Variants in PPP2R1B observed in about 807,000 individuals in gnomAD.
PPP2R1B encodes serine/threonine-protein phosphatase 2A 65 kDa regulatory subunit A beta isoform.
In PPP2R1B, 58 loss-of-function variants were observed where a neutral mutation model predicts 72.7. The observed-to-expected ratio is 0.80, with a 90% CI of 0.65 to 0.99. The LOEUF (loss-of-function observed/expected upper bound fraction) is 0.99. Ranked by LOEUF, PPP2R1B falls within the 50% of genes least tolerant of loss-of-function variation. PPP2R1B has a pLI of 0.00. For synonymous variants in PPP2R1B, 256 were observed against 264.6 expected (o/e 0.97, Z 0.32); for missense variants, 695 against 733.6 (o/e 0.95, Z 0.61).
chr11:111,693,529 G>A, the PPP2R1B span, among the ~76,000 whole-genome samples: 7 of 152,122 alleles, frequency 4.6e-5, no homozygotes, highest in Non-Finnish European at 1.0e-4. Flanking sequence ...TTTGGCCCTG[G>A]CTGTTCAGGC....
the PPP2R1B span, chr11:111,705,211 A>C: frequency 2.7e-5 from 39 of 1,419,112 alleles, no homozygotes; most frequent in African/African-American, 5.4e-4. This position sits in a 1 kb window ranked among gnomAD's most constrained non-coding sequence, Gnocchi z 4.3. Context: ...TTTTCATCTT[A>C]TACACAGGGT....
chr11:111,747,903 A>C, intron 11 of PPP2R1B, 51 bp downstream of exon 11: 1 of 1,524,876 alleles, frequency 6.6e-7, no homozygotes, highest in Non-Finnish European at 9.0e-7. Flanking sequence ...AAGGAAATGT[A>C]TGAAAATCAT....
chr11:111,763,650 G>T (rs1208205674), intron 3 of PPP2R1B, among the ~76,000 whole-genome samples: 1 of 152,174 alleles, frequency 6.6e-6, no homozygotes, highest in African/African-American at 2.4e-5. Flanking sequence ...AAGGCACAGA[G>T]GATTCAAGAA....
chr11:111,701,788 T>G, the PPP2R1B span, among the ~76,000 whole-genome samples: 1 of 152,208 alleles, frequency 6.6e-6, no homozygotes, highest in African/African-American at 2.4e-5. This position sits in a 1 kb window ranked among gnomAD's most constrained non-coding sequence, Gnocchi z 4.2. Flanking sequence ...ATTTCCCAGA[T>G]TAAGAGCAGC....
At chr11:111,703,497 G>A in the PPP2R1B span, 1 of 1,370,434 alleles carries the variant, frequency 7.3e-7, no homozygotes, top group African/African-American at 1.4e-5. Flanking sequence ...CTGTCATCCT[G>A]GTCTTTTAGC....
At position 111,765,666 on chromosome 11, in the gene PPP2R1B, AAGAG is replaced by A. The variant is rs1438476032; in HGVS notation, c.115-286_115-283del. Reference sequence around the variant, plus strand: ...ACCTAGGAAGTAAGATAATTTTAAAAAGAGAGCACTTTGGCAGTGGTGAAGCAGG... The same window carrying A: ...ACCTAGGAAGTAAGATAATTTTAAAAAGCACTTTGGCAGTGGTGAAGCAGG... On this transcript the variant is annotated intron_variant, in intron 1 of 14. Transcript: ENST00000527614. 1.2e-5 allele frequency: 6 copies of A among 508,760 alleles called. No homozygotes were observed. In the East Asian group the frequency reaches 2.8e-4, roughly 24 times the overall value. The allele number at this position is 508,760 out of a possible 1,614,324, so 31.5% of individuals were successfully genotyped here.
At chr11:111,715,513 T>C in the PPP2R1B span, among the ~76,000 whole-genome samples, 1 of 152,190 alleles carries the variant, frequency 6.6e-6, no homozygotes, top group Non-Finnish European at 1.5e-5. Context: ...CCCAGAAATC[T>C]TCAGTGCTTA....
At chr11:111,721,697 A>C in the PPP2R1B span, 13 of 583,870 alleles carry the variant, frequency 2.2e-5, no homozygotes, top group Non-Finnish European at 3.5e-5. Context: ...CTGGCTCTGT[A>C]AAAGCTTTGA....
chr11:111,723,629 C>T, downstream of PPP2R1B: 1 of 1,613,782 alleles, frequency 6.2e-7, no homozygotes, highest in Non-Finnish European at 8.5e-7. Context: ...GACTCCACCG[C>T]CTTCTCAGCA....
chr11:111,755,946 C>T (rs887016469), intron 5 of PPP2R1B, among the ~76,000 whole-genome samples: 6 of 151,878 alleles, frequency 4.0e-5, no homozygotes, highest in African/African-American at 7.3e-5. Context: ...CAGTGGCTCA[C>T]GTCTGTAATA....
the PPP2R1B span, chr11:111,720,333 G>A: frequency 1.7e-5 from 15 of 861,496 alleles, no homozygotes; most frequent in Middle Eastern, 2.4e-4. Context: ...GACTAAATTG[G>A]CCAGTAAAAG....
downstream of PPP2R1B, chr11:111,735,226 G>C (rs1374918148): frequency 6.6e-6 from 1 of 152,340 alleles, no homozygotes; most frequent in Admixed American, 6.5e-5. Context: ...GGCGCAGTCA[G>C]GCAGTGTCTG....
chr11:111,758,319 C>T (rs961853628), intron 5 of PPP2R1B, among the ~76,000 whole-genome samples: 1 of 152,150 alleles, frequency 6.6e-6, no homozygotes, highest in Non-Finnish European at 1.5e-5. Flanking sequence ...AGGCCGGGCA[C>T]GGTGGCTCAC....
chr11:111,732,967 G>A (rs1364158776), downstream of PPP2R1B, among the ~76,000 whole-genome samples: 1 of 152,114 alleles, frequency 6.6e-6, no homozygotes, highest in Non-Finnish European at 1.5e-5. Context: ...ATGGATTATC[G>A]CACAGGAATC....
intron 8 of PPP2R1B, among the ~76,000 whole-genome samples, chr11:111,754,146 G>C (rs570966290): frequency 1.3e-5 from 2 of 152,124 alleles, no homozygotes; most frequent in South Asian, 4.2e-4. Context: ...CAAACTCCTG[G>C]GCTCAAGAAA....
intron 11 of PPP2R1B, among the ~76,000 whole-genome samples, chr11:111,747,719 TTGAG>T (rs1226756184): frequency 2.0e-5 from 3 of 152,162 alleles, no homozygotes; most frequent in South Asian, 2.1e-4. Flanking sequence ...ATGTAATAGA[TTGAG>T]TAAGAAAATA....
chr11:111,759,893 T>G lies in PPP2R1B; in HGVS notation c.598A>C (p.Lys200Gln). The G allele has an allele frequency of 1.2e-6, 2 of 1,614,162 alleles. No homozygotes were observed. Among genetic ancestry groups the G allele is most frequent in the Non-Finnish European group, 1.7e-6 (2 of 1,180,022 alleles). The stretch of plus-strand genomic sequence containing the variant: ...AAAACTTTTGCAAATTCACCCAATT[T>G]GGAAGCAGCAGCACGTCGTACCATT... ...TPMVRRAAAS[K>Q]LGEFAKVLEL... Residue 200 changes from lysine to glutamine, a missense_variant, in exon 5 of 15, where the codon AAA (lysine) becomes CAA (glutamine). Transcript: ENST00000527614.
rs373462140 is a variant in PPP2R1B, at chr11:111,740,927, G to C, written c.*669C>G. ...TGGTGAGCTGTTCAAATTCAGTTAG[G>C]CGTCAACATCACACATTAGCAGCAA... On this transcript the variant is annotated 3_prime_UTR_variant, in exon 15 of 15. Transcript: ENST00000527614. The C allele has an allele frequency of 5.1e-6, 5 of 985,300 alleles. No homozygotes were observed. The African/African-American group carries it at 5.2e-5, about 10-fold the overall frequency. 61.0% of individuals were successfully genotyped at this position (985,300 alleles called of 1,614,324 possible).
chr11:111,715,195 T>C, the PPP2R1B span, among the ~76,000 whole-genome samples: 1,135 of 152,230 alleles, frequency 7.5e-3, 8 homozygotes, highest in Middle Eastern at 0.061. Context: ...TGGCACTCAG[T>C]CAGGCCATAG....
Sources: gnomAD v4.1 joint callset for allele counts (sites outside exome capture counted in the v4.1 genomes callset) on GRCh38, gnomAD v4.1.1 for gene constraint, Gnocchi (gnomAD v3.1) non-coding constraint, MANE v1.5 for transcripts, NCBI Gene and HGNC (gene_info 2026-07-23, HGNC 2026-07-21) for gene names.